APLF: variants seen among roughly 807,000 people sequenced by gnomAD.
APLF encodes the protein aprataxin and PNKP like factor, also known as aprataxin and PNK-like factor.
Under a neutral mutation model 55.6 loss-of-function variants are expected in APLF, and 61 were observed. The observed-to-expected ratio is 1.10, with a 90% CI of 0.89 to 1.36. The LOEUF is 1.36. Among genes scored for constraint, APLF ranks in the 40% most tolerant of loss-of-function variants. APLF has a pLI of 0.00. For synonymous variants in APLF, 207 were observed against 214.8 expected, an observed-to-expected ratio of 0.96 and a Z score of 0.32; for missense variants, 611 against 602.5, an observed-to-expected ratio of 1.01 and a Z score of -0.15.
chr2:68,528,972 GGTCT>G (rs1419272098), intron 6 of APLF: 2 of 1,525,794 alleles, frequency 1.3e-6, no homozygotes, highest in African/African-American at 2.7e-5. Context: ...GTCTGTACCT[GGTCT>G]TTCACCTCCG....
chr2:68,515,996 G>T (rs2103957556), intron 5 of APLF, among the ~76,000 whole-genome samples: 1 of 151,788 alleles, frequency 6.6e-6, no homozygotes, highest in South Asian at 2.1e-4. Context: ...GATGCATTTT[G>T]GTTTATTCAG....
At chr2:68,487,429 T>C (rs1301485736) in intron 1 of APLF, among the ~76,000 whole-genome samples, 1 of 152,124 alleles carries the variant, frequency 6.6e-6, no homozygotes, top group African/African-American at 2.4e-5. Context: ...GTTGTGTAAC[T>C]GAGTAGTTGC....
chr2:68,563,029 C>T (rs7604110), intron 8 of APLF: 145,878 of 980,558 alleles, frequency 0.15, 15,074 homozygotes, highest in African/African-American at 0.51. Flanking sequence ...GTCATAGATA[C>T]TCTTTTCCTT....
At chr2:68,494,898 T>C (rs1676493783) in intron 2 of APLF, among the ~76,000 whole-genome samples, 1 of 152,190 alleles carries the variant, frequency 6.6e-6, no homozygotes, top group Admixed American at 6.5e-5. Context: ...TTTTCCAGTC[T>C]ATCATTGATG....
In APLF at chr2:68,529,211, G is replaced by A. The variant is rs1040102861; in HGVS notation, c.804+2969G>A. On this transcript the variant is annotated intron_variant, in intron 6 of 9. Transcript: ENST00000303795. The surrounding 1 kb of genome is among the most constrained non-coding windows in gnomAD (Gnocchi z 4.4). ...AGGCAGGACCCTCTGTGGGGTGCCC[G>A]TGTTCCAAGGGATAAGACACAGCCT... 9 of 1,246,252 alleles carry A rather than the reference G, an allele frequency of 7.2e-6. No homozygotes were observed. The highest frequency in any genetic ancestry group is 2.1e-4 in the Middle Eastern group (1 of 4,782). The allele number at this position is 1,246,252 out of a possible 1,614,324, so 77.2% of individuals were successfully genotyped here. A position where few individuals can be genotyped will look rare whatever the true frequency, so the allele number is the denominator to read the frequency against.
intron 8 of APLF, among the ~76,000 whole-genome samples, chr2:68,558,292 AT>A (rs1429926341): frequency 6.6e-6 from 1 of 152,126 alleles, no homozygotes; most frequent in Non-Finnish European, 1.5e-5. Flanking sequence ...TTTCAGAGTT[AT>A]TTTGGCATAC....
At chr2:68,569,190 A>G (rs2104072270) in intron 9 of APLF, among the ~76,000 whole-genome samples, 1 of 152,178 alleles carries the variant, frequency 6.6e-6, no homozygotes, top group Non-Finnish European at 1.5e-5. Flanking sequence ...AGCTACAGAG[A>G]GATGAGAGCC....
intron 5 of APLF, among the ~76,000 whole-genome samples, chr2:68,514,483 C>T (rs545289337): frequency 2.6e-5 from 4 of 151,708 alleles, no homozygotes; most frequent in African/African-American, 9.7e-5. Context: ...ACCCTGTTTC[C>T]CCTGTTATGT....
intron 5 of APLF, among the ~76,000 whole-genome samples, chr2:68,521,397 A>AT (rs1382342858): frequency 6.6e-6 from 1 of 151,936 alleles, no homozygotes; most frequent in Non-Finnish European, 1.5e-5. Flanking sequence ...GCTATGATGA[A>AT]TAGAAGTGTT....
At chr2:68,530,074 G>A (rs1264827303) in intron 6 of APLF, among the ~76,000 whole-genome samples, 3 of 152,168 alleles carry the variant, frequency 2.0e-5, no homozygotes, top group African/African-American at 7.2e-5. Context: ...CTTACCACAT[G>A]CCTCCCTGGC....
intron 1 of APLF, among the ~76,000 whole-genome samples, chr2:68,478,080 AAC>A (rs1675835533): frequency 6.6e-6 from 1 of 152,132 alleles, no homozygotes; most frequent in African/African-American, 2.4e-5. Context: ...AACCTTGATT[AAC>A]ACACCATGGG....
At chr2:68,498,376 T>C (rs566074854) in intron 2 of APLF, among the ~76,000 whole-genome samples, 2 of 152,384 alleles carry the variant, frequency 1.3e-5, no homozygotes, top group East Asian at 3.9e-4. Context: ...AGTGATTAAA[T>C]GGTTTTCTGC....
intron 5 of APLF, among the ~76,000 whole-genome samples, chr2:68,518,616 TATC>T (rs1669749761): frequency 4.9e-5 from 6 of 123,608 alleles, no homozygotes; most frequent in African/African-American, 1.9e-4. Context: ...ATCATTAATA[TATC>T]ATGAATATAT....
intron 6 of APLF, among the ~76,000 whole-genome samples, chr2:68,531,019 T>G (rs1463486416): frequency 1.3e-5 from 2 of 152,200 alleles, no homozygotes; most frequent in African/African-American, 2.4e-5. Context: ...TCTTGCTAAG[T>G]GTGATGAGAA....
At position 68,492,457 on chromosome 2, in the gene APLF, G is replaced by A. The variant is rs376871106; in HGVS notation, c.168+2196G>A. On this transcript the variant is annotated intron_variant, in intron 2 of 9. Coordinates refer to ENST00000303795, the MANE Select transcript of APLF (RefSeq NM_173545.3). ...TGTGCCACTGCACTCCAGCCTGGGC[G>A]ACAGAACGAGACTCCGCCTCAAAAA... 6.6e-3 allele frequency among the ~76,000 whole-genome samples: 1,006 copies of A among 152,186 alleles called. 7 individuals are homozygous for A. The highest frequency in any genetic ancestry group is 0.023 in the African/African-American group (956 of 41,538).
At chr2:68,483,585 A>G (rs757113051) in intron 1 of APLF, among the ~76,000 whole-genome samples, 1 of 152,082 alleles carries the variant, frequency 6.6e-6, no homozygotes, top group Non-Finnish European at 1.5e-5. Context: ...CATCTTTCTG[A>G]TTTTATTCAT....
At chr2:68,552,246 A>G (rs1018539289) in intron 8 of APLF, among the ~76,000 whole-genome samples, 2 of 152,040 alleles carry the variant, frequency 1.3e-5, no homozygotes, top group African/African-American at 4.8e-5. Context: ...GAAATTTCAG[A>G]CCCTCAGCCT....
intron 1 of APLF, among the ~76,000 whole-genome samples, chr2:68,473,897 G>A (rs1438057417): frequency 2.6e-5 from 4 of 152,120 alleles, no homozygotes; most frequent in Non-Finnish European, 5.9e-5. Context: ...CCATCTATCT[G>A]GAGATAGCAT....
At chr2:68,557,688 G>T (rs774061923) in intron 8 of APLF, among the ~76,000 whole-genome samples, 23 of 152,210 alleles carry the variant, frequency 1.5e-4, no homozygotes, top group Middle Eastern at 3.4e-3. Flanking sequence ...GAGGTGGGTG[G>T]ATCACCTGAG....
Sources: gnomAD v4.1 joint callset for allele counts (sites outside exome capture counted in the v4.1 genomes callset) on GRCh38, gnomAD v4.1.1 for gene constraint, Gnocchi (gnomAD v3.1) non-coding constraint, MANE v1.5 for transcripts, NCBI Gene and HGNC (gene_info 2026-07-23, HGNC 2026-07-21) for gene names.